RBFOX1: variants seen among roughly 807,000 people sequenced by gnomAD.
The protein encoded by RBFOX1 is RNA binding fox-1 homolog 1.
A neutral mutation model predicts 57.7 loss-of-function variants in RBFOX1; 8 were observed. The observed-to-expected ratio is 0.14, with a 90% confidence interval of 0.08 to 0.25. The LOEUF is 0.25. RBFOX1 is among the 10% of genes least tolerant of loss of function. The pLI, the probability that RBFOX1 is intolerant of heterozygous loss-of-function variation, is 1.00. For synonymous variants in RBFOX1, 326 were observed against 222.4 expected, an observed-to-expected ratio of 1.47 and a Z score of -4.15; for missense variants, 611 against 548.5, an observed-to-expected ratio of 1.11 and a Z score of -1.14.
At chr16:6,245,048 C>T (rs2097561609) in intron 1 of RBFOX1, among the ~76,000 whole-genome samples, 1 of 152,018 alleles carries the variant, frequency 6.6e-6, no homozygotes, top group African/African-American at 2.4e-5. Flanking sequence ...CTTCCTCGTC[C>T]TCTTGTTTGA....
intron 2 of RBFOX1, among the ~76,000 whole-genome samples, chr16:6,643,228 A>G (rs2098506698): frequency 6.6e-6 from 1 of 152,206 alleles, no homozygotes; most frequent in South Asian, 2.1e-4. Context: ...ATACTCTTGC[A>G]TAGGACTTGG....
At chr16:7,498,409 T>C (rs1600071433) in intron 4 of RBFOX1, among the ~76,000 whole-genome samples, 1 of 152,150 alleles carries the variant, frequency 6.6e-6, no homozygotes, top group Non-Finnish European at 1.5e-5. Context: ...CCAACAGAAA[T>C]ATAACCATGG....
Position 5,283,266 on chromosome 16 carries a change from T to A in RBFOX1, c.219+43161T>A, listed in dbSNP as rs144994269. ...AGGGGCAGGGCACTCATGGAGAACC[T>A]CTACTAGGGCAGTGCGGAAGGGAAA... On this transcript the variant is annotated intron_variant, in intron 1 of 2. Transcript: ENST00000585867. Among the ~76,000 whole-genome samples the A allele has an allele frequency of 2.4e-3, 362 of 152,250 alleles. 2 individuals are homozygous for A. Among genetic ancestry groups the A allele is most frequent in the African/African-American group, 7.6e-3 (315 of 41,552 alleles).
chr16:6,730,997 G>A (rs2068443011), intron 3 of RBFOX1, among the ~76,000 whole-genome samples: 1 of 152,120 alleles, frequency 6.6e-6, no homozygotes, highest in African/African-American at 2.4e-5. Flanking sequence ...TAGTATCATT[G>A]ATGTCAGAGA....
At chr16:6,477,885 C>G (rs117434482) in intron 2 of RBFOX1, among the ~76,000 whole-genome samples, 1 of 152,320 alleles carries the variant, frequency 6.6e-6, no homozygotes, top group Non-Finnish European at 1.5e-5. Context: ...ATTTCACCTT[C>G]CACTTGCATG....
chr16:6,776,467 C>T (rs999362754), intron 3 of RBFOX1, among the ~76,000 whole-genome samples: 6 of 151,988 alleles, frequency 3.9e-5, no homozygotes, highest in South Asian at 2.1e-4. Flanking sequence ...CAAGGAGAAG[C>T]AACACAGTGC....
chr16:7,255,768 T>C (rs1603450395), intron 4 of RBFOX1, among the ~76,000 whole-genome samples: 1 of 152,220 alleles, frequency 6.6e-6, no homozygotes, highest in South Asian at 2.1e-4. Flanking sequence ...ATAATCAATA[T>C]AGAAATATTA....
At chr16:6,720,424 T>G (rs1008161070) in intron 3 of RBFOX1, among the ~76,000 whole-genome samples, 14 of 152,166 alleles carry the variant, frequency 9.2e-5, no homozygotes, top group South Asian at 2.1e-4. Context: ...TCTTTATAAA[T>G]TACCCACTCT....
At chr16:6,762,553 G>T (rs1035505453) in intron 3 of RBFOX1, among the ~76,000 whole-genome samples, 1 of 152,106 alleles carries the variant, frequency 6.6e-6, no homozygotes, top group Non-Finnish European at 1.5e-5. Flanking sequence ...ATGTTCAAAG[G>T]TTGAAACTCT....
At chr16:7,327,556 T>C (rs1044624309) in intron 4 of RBFOX1, among the ~76,000 whole-genome samples, 1 of 152,190 alleles carries the variant, frequency 6.6e-6, no homozygotes, top group Non-Finnish European at 1.5e-5. Flanking sequence ...AACACTCTGT[T>C]TTATGCATTT....
At chr16:5,283,570 C>G (rs2103297) in intron 1 of RBFOX1, among the ~76,000 whole-genome samples, 50,431 of 152,006 alleles carry the variant, frequency 0.33, 8,377 homozygotes, top group Non-Finnish European at 0.34. Flanking sequence ...CCTCTTACAT[C>G]AGCATGACCT....
chr16:7,709,546 C>T, intron 15 of RBFOX1: 1 of 1,532,812 alleles, frequency 6.5e-7, no homozygotes, highest in Non-Finnish European at 8.7e-7. Flanking sequence ...CTGCACACTT[C>T]CAGGCCTCTG....
chr16:7,522,652 T>G (rs969129043), intron 5 of RBFOX1, among the ~76,000 whole-genome samples: 1 of 152,124 alleles, frequency 6.6e-6, no homozygotes, highest in African/African-American at 2.4e-5. Context: ...GATAGTTGAT[T>G]TAGATTCAAC....
intron 1 of RBFOX1, among the ~76,000 whole-genome samples, chr16:5,425,521 G>T (rs1276410789): frequency 6.6e-6 from 1 of 152,174 alleles, no homozygotes; most frequent in Admixed American, 6.5e-5. Context: ...AGGACCCAGA[G>T]ATGCTATTTA....
chr16:7,495,022 C>T (rs539073323), intron 4 of RBFOX1, among the ~76,000 whole-genome samples: 21 of 152,042 alleles, frequency 1.4e-4, no homozygotes, highest in African/African-American at 2.2e-4. Flanking sequence ...TATTTATGAC[C>T]GTGTGTGCTT....
At chr16:7,360,414 A>G (rs1472380926) in intron 4 of RBFOX1, among the ~76,000 whole-genome samples, 1 of 152,128 alleles carries the variant, frequency 6.6e-6, no homozygotes, top group Non-Finnish European at 1.5e-5. Context: ...GCCTGTATGT[A>G]TGATGTGGGT....
chr16:5,972,937 C>T (rs879536112), intron 4 of RBFOX1, among the ~76,000 whole-genome samples: 1 of 152,170 alleles, frequency 6.6e-6, no homozygotes, highest in Non-Finnish European at 1.5e-5. Context: ...AAAAACAGGG[C>T]TTTTCATGAG....
At chr16:6,973,614 G>T (rs1321118418) in intron 3 of RBFOX1, among the ~76,000 whole-genome samples, 2 of 152,062 alleles carry the variant, frequency 1.3e-5, no homozygotes, top group Admixed American at 1.3e-4. Context: ...TATTGTTTTT[G>T]ACAGTTATCA....
intron 3 of RBFOX1, among the ~76,000 whole-genome samples, chr16:6,899,133 ATG>A (rs1174087633): frequency 4.0e-5 from 6 of 151,474 alleles, no homozygotes; most frequent in East Asian, 1.9e-4. Flanking sequence ...ATATGTGTAT[ATG>A]TGTGTATGGA....
Sources: allele counts gnomAD v4.1 joint callset (sites outside exome capture counted in the v4.1 genomes callset), GRCh38; gene constraint gnomAD v4.1.1; transcripts MANE v1.5; gene names NCBI Gene and HGNC (gene_info 2026-07-23, HGNC 2026-07-21).